Variants in PHACTR4 observed in about 807,000 individuals in gnomAD.
PHACTR4 encodes the protein protein phosphatase 1, regulatory subunit 124.
In PHACTR4, 51 loss-of-function variants were observed where a neutral mutation model predicts 72.7. The ratio of observed to expected loss-of-function variants is 0.70; its 90% CI spans 0.56 to 0.89. PHACTR4 has a LOEUF of 0.89. Among genes scored for constraint, PHACTR4 ranks in the 40% least tolerant of loss-of-function variants. The pLI, the probability that PHACTR4 is intolerant of heterozygous loss-of-function variation, is 0.00. For synonymous variants in PHACTR4, 255 were observed against 302.5 expected, an observed-to-expected ratio of 0.84 and a Z score of 1.63; for missense variants, 731 against 861.8, an observed-to-expected ratio of 0.85 and a Z score of 1.90.
intron 2 of PHACTR4, among the ~76,000 whole-genome samples, chr1:28,432,315 C>T (rs1048455591): frequency 6.6e-6 from 1 of 151,638 alleles, no homozygotes; most frequent in Non-Finnish European, 1.5e-5. Flanking sequence ...GGTGCAGTGG[C>T]TCATGCCTAT....
chr1:28,453,644 G>T (rs1222767263), intron 2 of PHACTR4: 1 of 1,280,442 alleles, frequency 7.8e-7, no homozygotes, highest in East Asian at 2.4e-5. Context: ...GAGAGACTCG[G>T]TTCTAACATC....
intron 2 of PHACTR4, among the ~76,000 whole-genome samples, chr1:28,448,743 CAG>C (rs1657684027): frequency 9.8e-6 from 1 of 102,048 alleles, no homozygotes; most frequent in Non-Finnish European, 1.7e-5. Flanking sequence ...GCCTGGGCGA[CAG>C]AGCGAGACTC....
chr1:28,444,122 T>A (rs1313631000), intron 2 of PHACTR4, among the ~76,000 whole-genome samples: 1 of 150,098 alleles, frequency 6.7e-6, no homozygotes, highest in African/African-American at 2.4e-5. Flanking sequence ...GATAATAGCC[T>A]CCTAACTGGG....
chr1:28,415,260 C>CAA (rs535288012), intron 2 of PHACTR4, among the ~76,000 whole-genome samples: 325 of 110,296 alleles, frequency 2.9e-3, no homozygotes, highest in African/African-American at 8.6e-3. Flanking sequence ...GACTCTGTCT[C>CAA]AAAAAAAAAA....
chr1:28,398,078 C>T (rs1653657829), intron 1 of PHACTR4, among the ~76,000 whole-genome samples: 1 of 152,112 alleles, frequency 6.6e-6, no homozygotes, highest in South Asian at 2.1e-4. Flanking sequence ...TTTCACTGAA[C>T]TGACCTAGCC....
chr1:28,405,031 G>A (rs1654220415), intron 1 of PHACTR4, among the ~76,000 whole-genome samples: 1 of 152,018 alleles, frequency 6.6e-6, no homozygotes, highest in Admixed American at 6.6e-5. Flanking sequence ...CATCATAATG[G>A]GTGTAAAGTG....
Position 28,496,661 on chromosome 1 carries a change from G to T in PHACTR4, c.*112G>T. 7.9e-7 allele frequency: 1 copy of T among 1,272,024 alleles called. No homozygotes were observed. Among genetic ancestry groups the T allele is most frequent in the South Asian group, 1.2e-5 (1 of 83,906 alleles). 78.8% of individuals were successfully genotyped at this position (1,272,024 alleles called of 1,614,324 possible). On this transcript the variant is annotated 3_prime_UTR_variant, in exon 14 of 14. Coordinates refer to ENST00000373839, the MANE Select transcript of PHACTR4 (RefSeq NM_001048183.3). ...AGCACAGCCAGAATTGCATCCTCTGGGATCTTCTGAGGTGGACAGCACTTT... is the reference window on the plus strand; with the variant it reads ...AGCACAGCCAGAATTGCATCCTCTGTGATCTTCTGAGGTGGACAGCACTTT...
At chr1:28,424,548 G>T (rs141634537) in intron 2 of PHACTR4, among the ~76,000 whole-genome samples, 10,202 of 152,002 alleles carry the variant, frequency 0.067, 422 homozygotes, top group South Asian at 0.13. Flanking sequence ...GAGTGCAGTG[G>T]CACCATCTCA....
At chr1:28,378,198 T>TAAAAAAAAAAAAA (rs60280611) in intron 1 of PHACTR4, among the ~76,000 whole-genome samples, 13 of 76,390 alleles carry the variant, frequency 1.7e-4, no homozygotes, top group South Asian at 4.2e-4. Context: ...CTCCATCTCA[T>TAAAAAAAAAAAAA]AAAAAAAAAA....
intron 2 of PHACTR4, among the ~76,000 whole-genome samples, chr1:28,455,288 T>G (rs1332386490): frequency 7.6e-6 from 1 of 131,068 alleles, no homozygotes; most frequent in Non-Finnish European, 1.6e-5. Context: ...AACCTCCGCC[T>G]CCCAAGTTCA....
intron 9 of PHACTR4, 121 bp downstream of exon 9, chr1:28,480,725 C>G (rs1487569630): frequency 2.2e-6 from 3 of 1,343,392 alleles, no homozygotes; most frequent in Non-Finnish European, 2.1e-6. Flanking sequence ...GGGTCTTGCT[C>G]TGTCACCCAG....
At chr1:28,475,437 C>T (rs1025250048) in intron 7 of PHACTR4, among the ~76,000 whole-genome samples, 1 of 152,110 alleles carries the variant, frequency 6.6e-6, no homozygotes, top group African/African-American at 2.4e-5. Context: ...GTTCAAATTG[C>T]AGCACTACCA....
intron 1 of PHACTR4, among the ~76,000 whole-genome samples, chr1:28,396,776 A>T (rs1301210039): frequency 1.3e-5 from 2 of 149,350 alleles, no homozygotes; most frequent in Non-Finnish European, 3.0e-5. Context: ...CTCCTGCCTC[A>T]GCCTCCTGAG....
chr1:28,413,976 GA>G (rs1304912463), intron 2 of PHACTR4, among the ~76,000 whole-genome samples: 1 of 152,200 alleles, frequency 6.6e-6, no homozygotes, highest in African/African-American at 2.4e-5. Context: ...AAGGGGTGAA[GA>G]AAACTGACTG....
chr1:28,458,414 C>G (rs1658563183), intron 2 of PHACTR4, among the ~76,000 whole-genome samples: 1 of 152,104 alleles, frequency 6.6e-6, no homozygotes, highest in Non-Finnish European at 1.5e-5. Flanking sequence ...TCCCACAGTG[C>G]TGGGATTACA....
chr1:28,474,092 G>A lies in PHACTR4; in HGVS notation c.1362G>A (p.Glu454=), dbSNP rs1200843213. 1 of 1,614,050 alleles carries A rather than the reference G, an allele frequency of 6.2e-7. No homozygotes were observed. The highest frequency in any genetic ancestry group is 1.3e-5 in the African/African-American group (1 of 74,932). Residue 454 remains glutamate (E), a synonymous_variant, in exon 7 of 14, where the codon GAG becomes GAA. Transcript: ENST00000373839. ...LLFENSDSFS[E]DSSTLGRTRS... is the part of the protein sequence containing the mutation. ...TTGAAAACAGTGACAGCTTTTCTGAGGACAGCAGTACGCTGGGTCGGACCA... is the reference window on the plus strand; with the variant it reads ...TTGAAAACAGTGACAGCTTTTCTGAAGACAGCAGTACGCTGGGTCGGACCA...
At chr1:28,422,336 A>G (rs1005991828) in intron 2 of PHACTR4, among the ~76,000 whole-genome samples, 1 of 152,238 alleles carries the variant, frequency 6.6e-6, no homozygotes, top group Non-Finnish European at 1.5e-5. Flanking sequence ...TACAGTATAA[A>G]AACTTTACAT....
chr1:28,398,523 CAAAAA>C (rs1471379678), intron 1 of PHACTR4, among the ~76,000 whole-genome samples: 2 of 149,822 alleles, frequency 1.3e-5, no homozygotes, highest in Non-Finnish European at 3.0e-5. Flanking sequence ...GACCCTGTCT[CAAAAA>C]ATAAAATAGG....
intron 1 of PHACTR4, among the ~76,000 whole-genome samples, chr1:28,370,356 G>A (rs1030356960): frequency 6.6e-6 from 1 of 152,156 alleles, no homozygotes; most frequent in African/African-American, 2.4e-5. Context: ...ATCAGCCTGG[G>A]CGGCTTCAGG....
Sources: gnomAD v4.1 joint callset for allele counts (sites outside exome capture counted in the v4.1 genomes callset) on GRCh38, gnomAD v4.1.1 for gene constraint, MANE v1.5 for transcripts, NCBI Gene and HGNC (gene_info 2026-07-23, HGNC 2026-07-21) for gene names.